UNC79: variants seen among roughly 807,000 people sequenced by gnomAD.
UNC79 encodes the protein unc-79 subunit of NALCN channel complex.
In UNC79, 37 loss-of-function variants were observed where a neutral mutation model predicts 283.1. The ratio of observed to expected loss-of-function variants is 0.13; its 90% CI spans 0.10 to 0.17. UNC79 has a LOEUF of 0.17. Ranked by LOEUF, UNC79 falls within the 10% of genes least tolerant of loss-of-function variation. UNC79 has a pLI of 1.00. For synonymous variants in UNC79, 1,107 were observed against 1,200.2 expected (o/e 0.92, Z 1.61); for missense variants, 2,272 against 3,211.1 (o/e 0.71, Z 7.07).
At chr14:93,611,754 T>C (rs2066323370) in intron 26 of UNC79, among the ~76,000 whole-genome samples, 1 of 152,140 alleles carries the variant, frequency 6.6e-6, no homozygotes, top group Non-Finnish European at 1.5e-5. Flanking sequence ...AATGTTTCCT[T>C]GCAGAATGAG....
At chr14:93,592,149 A>G (rs1419718335) in intron 22 of UNC79, among the ~76,000 whole-genome samples, 2 of 150,018 alleles carry the variant, frequency 1.3e-5, no homozygotes, top group South Asian at 2.1e-4. Context: ...CATATATTTT[A>G]TACATTCATT....
chr14:93,476,524 C>G (rs1458343121), intron 3 of UNC79, among the ~76,000 whole-genome samples: 1 of 152,154 alleles, frequency 6.6e-6, no homozygotes, highest in African/African-American at 2.4e-5. Flanking sequence ...GTGGCCACAT[C>G]CTTTCTGTTG....
chr14:93,506,723 G>T (rs1258214740), intron 7 of UNC79, among the ~76,000 whole-genome samples: 2 of 152,012 alleles, frequency 1.3e-5, no homozygotes, highest in East Asian at 1.9e-4. Context: ...AAATTGTCAG[G>T]CTTATCTCTC....
chr14:93,631,217 G>A (rs1290628069), intron 31 of UNC79, among the ~76,000 whole-genome samples: 3 of 152,082 alleles, frequency 2.0e-5, no homozygotes, highest in Admixed American at 1.3e-4. Context: ...CATAAAACAC[G>A]GAACAGGTTT....
chr14:93,533,644 T>A (rs2060931886), intron 11 of UNC79, among the ~76,000 whole-genome samples: 1 of 151,982 alleles, frequency 6.6e-6, no homozygotes, highest in Non-Finnish European at 1.5e-5. Flanking sequence ...TCTGAGAGAG[T>A]GAGAGAGCCT....
At chr14:93,654,062 A>G in intron 37 of UNC79, 37 bp downstream of exon 40, 1 of 1,594,920 alleles carries the variant, frequency 6.3e-7, no homozygotes, top group Non-Finnish European at 8.6e-7. Flanking sequence ...GCCCCAGCCG[A>G]AACTCTAAGC....
At chr14:93,608,759 G>T (rs1175240238) in intron 26 of UNC79, among the ~76,000 whole-genome samples, 1 of 152,160 alleles carries the variant, frequency 6.6e-6, no homozygotes, top group Non-Finnish European at 1.5e-5. Context: ...ATAGAGAAAC[G>T]TTCCAATATT....
At chr14:93,407,682 A>T (rs1351282246) in intron 1 of UNC79, among the ~76,000 whole-genome samples, 1 of 152,202 alleles carries the variant, frequency 6.6e-6, no homozygotes, top group Non-Finnish European at 1.5e-5. Context: ...AAAAAAGGTA[A>T]GAAACTATTT....
intron 5 of UNC79, among the ~76,000 whole-genome samples, chr14:93,493,726 G>A (rs2058849215): frequency 6.6e-6 from 1 of 151,560 alleles, no homozygotes; most frequent in Non-Finnish European, 1.5e-5. Context: ...AAGTGTCATT[G>A]AGTCATGGTT....
At chr14:93,677,422 C>T (rs925311795) in intron 41 of UNC79, among the ~76,000 whole-genome samples, 6 of 152,190 alleles carry the variant, frequency 3.9e-5, no homozygotes, top group Non-Finnish European at 8.8e-5. Context: ...TACATGGCAG[C>T]AGGCAAAAGA....
chr14:93,677,834 G>C (rs1239015160), intron 41 of UNC79, among the ~76,000 whole-genome samples: 1 of 152,184 alleles, frequency 6.6e-6, no homozygotes, highest in Non-Finnish European at 1.5e-5. Flanking sequence ...ATTTTTAGTA[G>C]AGATGGGGTT....
At chr14:93,612,316 A>G (rs993576738) in intron 26 of UNC79, among the ~76,000 whole-genome samples, 4 of 152,240 alleles carry the variant, frequency 2.6e-5, no homozygotes, top group Non-Finnish European at 5.9e-5. Flanking sequence ...ATTAATGAAC[A>G]TAACTAAATT....
chr14:93,474,457 G>T lies in UNC79; in HGVS notation c.448+64G>T. The T allele has an allele frequency of 2.0e-6, 3 of 1,482,682 alleles. No individual in the cohort carries two copies. The highest frequency in any genetic ancestry group is 2.7e-6 in the Non-Finnish European group (3 of 1,114,850). 91.8% of individuals were successfully genotyped at this position (1,482,682 alleles called of 1,614,324 possible). A position where few individuals can be genotyped will look rare whatever the true frequency, so the allele number is the denominator to read the frequency against. The stretch of plus-strand genomic sequence containing the variant: ...TGCTTATGAATGTATATGATGCTGA[G>T]CAAGGGGCTTGGAGATGGTCACTGT... On this transcript the variant is annotated intron_variant, in intron 3 of 48. Coordinates refer to ENST00000555664, the Ensembl canonical transcript of UNC79. The surrounding 1 kb of genome is among the most constrained non-coding windows in gnomAD (Gnocchi z 4.1).
chr14:93,690,022 C>T lies in UNC79; in HGVS notation c.7086-95C>T. 1 of 1,394,424 alleles carries T rather than the reference C, an allele frequency of 7.2e-7. No homozygotes were observed. Among genetic ancestry groups the T allele is most frequent in the East Asian group, 2.3e-5 (1 of 43,002 alleles). The allele number at this position is 1,394,424 out of a possible 1,614,324, so 86.4% of individuals were successfully genotyped here. Reference sequence around the variant, plus strand: ...TGTTTTATGTGATTGCCTGCAAGACCACACTTTCAATCCCTTCCTTCAATA... The same window carrying T: ...TGTTTTATGTGATTGCCTGCAAGACTACACTTTCAATCCCTTCCTTCAATA... On this transcript the variant is annotated intron_variant, in intron 44 of 48. Transcript: ENST00000555664. This position sits in a 1 kb window ranked among gnomAD's most constrained non-coding sequence, Gnocchi z 4.3.
At chr14:93,657,114 C>T (rs1355846760) in intron 38 of UNC79, among the ~76,000 whole-genome samples, 1 of 152,140 alleles carries the variant, frequency 6.6e-6, no homozygotes, top group Non-Finnish European at 1.5e-5. Flanking sequence ...ATCTTTACCA[C>T]CTCTTATATT....
intron 48 of UNC79, among the ~76,000 whole-genome samples, chr14:93,705,513 G>A (rs729395): frequency 0.6 from 91,403 of 152,028 alleles, 27,965 homozygotes; most frequent in Admixed American, 0.66. Flanking sequence ...TGAGCTACAA[G>A]GAACCTACTG....
intron 41 of UNC79, among the ~76,000 whole-genome samples, chr14:93,680,208 G>A (rs2073733083): frequency 6.6e-6 from 1 of 152,186 alleles, no homozygotes; most frequent in South Asian, 2.1e-4. Flanking sequence ...TGCTAACCAT[G>A]CTGAAATGTG....
intron 37 of UNC79, among the ~76,000 whole-genome samples, chr14:93,654,626 T>G (rs1211916242): frequency 1.3e-5 from 2 of 151,458 alleles, no homozygotes; most frequent in Non-Finnish European, 2.9e-5. Flanking sequence ...TAATTTAAAT[T>G]TTAAAAAGTT....
intron 7 of UNC79, among the ~76,000 whole-genome samples, chr14:93,518,497 AG>A (rs34542374): frequency 0.55 from 83,013 of 151,294 alleles, 23,067 homozygotes; most frequent in Admixed American, 0.63. Flanking sequence ...GACTTTTCAA[AG>A]AACCAGTTTT....
Sources: gnomAD v4.1 joint callset for allele counts (sites outside exome capture counted in the v4.1 genomes callset) on GRCh38, gnomAD v4.1.1 for gene constraint, Gnocchi (gnomAD v3.1) non-coding constraint, MANE v1.5 for transcripts, NCBI Gene and HGNC (gene_info 2026-07-23, HGNC 2026-07-21) for gene names.